Variants in ACACB observed in about 807,000 individuals in gnomAD.
The protein encoded by ACACB is acetyl-CoA carboxylase 2.
A neutral mutation model predicts 278.8 loss-of-function variants in ACACB; 209 were observed. The observed-to-expected ratio is 0.75, with a 90% CI of 0.67 to 0.84. The LOEUF (loss-of-function observed/expected upper bound fraction) is 0.84, where lower values mean the gene tolerates loss of function less well. ACACB is among the 40% of genes least tolerant of loss of function. ACACB has a pLI of 0.00. For synonymous variants in ACACB, 1,174 were observed against 1,285.6 expected (o/e 0.91, Z 1.86); for missense variants, 2,850 against 3,269.0 (o/e 0.87, Z 3.13).
chr12:109,253,960 A>G (rs762208847), intron 43 of ACACB, among the ~76,000 whole-genome samples: 1 of 152,136 alleles, frequency 6.6e-6, no homozygotes, highest in Non-Finnish European at 1.5e-5. Flanking sequence ...GCGTTTCTGT[A>G]ACTTCCCAGC....
At chr12:109,252,770 C>T (rs975947059) in intron 42 of ACACB, among the ~76,000 whole-genome samples, 2 of 152,194 alleles carry the variant, frequency 1.3e-5, no homozygotes, top group African/African-American at 4.8e-5. Flanking sequence ...AGCTGCATCA[C>T]CAGTTCTCAA....
chr12:109,154,891 A>C (rs1377327816), intron 2 of ACACB: 1 of 152,806 alleles, frequency 6.5e-6, no homozygotes, highest in Non-Finnish European at 1.5e-5. Context: ...CGGGGTGGTC[A>C]ACATGAGTCC....
In ACACB at chr12:109,140,485, C is replaced by T. The variant is rs187610139; in HGVS notation, c.653+427C>T. 6.8e-3 allele frequency among the ~76,000 whole-genome samples: 1,028 copies of T among 152,232 alleles called. 10 individuals carry two copies. The highest frequency in any genetic ancestry group is 0.017 in the African/African-American group (703 of 41,548). ...TAGCCTGGCCAACATGGTGAAACTC[C>T]GTTTCTACTAAAAATACAAAAATTC... is the stretch of plus-strand genomic sequence containing the variant. On this transcript the variant is annotated intron_variant, in intron 2 of 52. Coordinates refer to ENST00000338432, the MANE Select transcript of ACACB (RefSeq NM_001093.4).
upstream of ACACB, among the ~76,000 whole-genome samples, chr12:109,115,504 C>T (rs1407319144): frequency 1.3e-5 from 2 of 152,090 alleles, no homozygotes; most frequent in Admixed American, 1.3e-4. Flanking sequence ...AATAAATAGA[C>T]TAAGAGCCAT....
rs2044633665 is a variant in ACACB at position 109,185,697 on chromosome 12, GC to G, written c.1939del (p.His647ThrfsTer26). 1 of 1,590,804 alleles carries G rather than the reference GC, an allele frequency of 6.3e-7. No homozygotes were observed. The highest frequency in any genetic ancestry group is 8.6e-7 in the Non-Finnish European group (1 of 1,167,548). On this transcript the variant is annotated frameshift_variant, in exon 12 of 53. Coordinates refer to ENST00000338432, the MANE Select transcript of ACACB (RefSeq NM_001093.4). LOFTEE classifies it high-confidence loss of function. ...ETPSNPPLARGHVIAARITSE... is the reference protein window; with the variant it reads ...ETPSNPPLARXHVIAARITSE... ...CCCTCAAACCCTCCCCTCGCCCGAG[GC>G]CACGTCATTGCCGCCAGAATCACCA...
At chr12:109,151,833 G>T (rs2043383796) in intron 2 of ACACB, among the ~76,000 whole-genome samples, 1 of 152,226 alleles carries the variant, frequency 6.6e-6, no homozygotes, top group Admixed American at 6.5e-5. Context: ...ATGGATGTTT[G>T]TATAAAGGTG....
intron 2 of ACACB, among the ~76,000 whole-genome samples, chr12:109,155,804 C>T (rs1380809284): frequency 2.0e-5 from 3 of 151,884 alleles, no homozygotes; most frequent in Admixed American, 1.3e-4. Flanking sequence ...TTTTGTGACA[C>T]GTGAAAATTA....
At chr12:109,203,321 T>C (rs932659566) in intron 19 of ACACB, among the ~76,000 whole-genome samples, 2 of 152,238 alleles carry the variant, frequency 1.3e-5, no homozygotes, top group Non-Finnish European at 1.5e-5. Context: ...GCTATGAACA[T>C]GAGTGTACGA....
intron 17 of ACACB, among the ~76,000 whole-genome samples, chr12:109,198,954 G>C (rs2045235032): frequency 6.6e-6 from 1 of 152,000 alleles, no homozygotes; most frequent in Non-Finnish European, 1.5e-5. Context: ...TTGGGAGGCT[G>C]AGGCGGGCGG....
intron 6 of ACACB, 28 bp from the exon 7 acceptor site, chr12:109,174,104 G>C (rs1287087718): frequency 6.3e-7 from 1 of 1,585,712 alleles, no homozygotes; most frequent in Non-Finnish European, 8.6e-7. Flanking sequence ...ACCGGATTCT[G>C]CTTCCCTTCT....
intron 28 of ACACB, among the ~76,000 whole-genome samples, chr12:109,228,873 C>G (rs185664365): frequency 6.6e-6 from 1 of 152,038 alleles, no homozygotes; most frequent in East Asian, 1.9e-4. Context: ...TAAGTGATCC[C>G]GGAGATGATC....
At chr12:109,175,679 A>T (rs1208049701) in intron 7 of ACACB, among the ~76,000 whole-genome samples, 1 of 152,116 alleles carries the variant, frequency 6.6e-6, no homozygotes, top group African/African-American at 2.4e-5. Context: ...TCAGCCTCCC[A>T]AAGTGCTGGG....
At position 109,222,563 on chromosome 12, in the gene ACACB, C is replaced by T. The variant is rs760748409; in HGVS notation, c.3621C>T (p.Asn1207=). 25 of 1,614,072 alleles carry T rather than the reference C, an allele frequency of 1.5e-5. No individual in the cohort carries two copies. Among genetic ancestry groups the T allele is most frequent in the Non-Finnish European group, 2.0e-5 (24 of 1,180,050 alleles). ...CGGACGAGCTGATCTCCATCCTCAA[C>T]GAGCTCACTCAGCTGAGCAAAAGCG... ...SLSDELISIL[N]ELTQLSKSEH... is the part of the protein sequence containing the mutation. Residue 1207 remains asparagine, a synonymous_variant, in exon 25 of 53, where the codon AAC becomes AAT. Transcript: ENST00000338432.
At chr12:109,242,264 C>T (rs1229629372) in intron 36 of ACACB, 173 bp from the exon 37 acceptor site, 3 of 638,254 alleles carry the variant, frequency 4.7e-6, no homozygotes, top group African/African-American at 1.8e-5. Context: ...CTTGTTCTGG[C>T]CCTCCACAGT....
Position 109,157,927 on chromosome 12 carries a change from TC to T in ACACB, c.654-8933del, listed in dbSNP as rs571079154. ...GAGTCCCATTTCACTGCCATGCAAT[TC>T]TGCTCTGAAAGGCCAGCTGCCTGCA... On this transcript the variant is annotated intron_variant, in intron 2 of 52. Transcript: ENST00000338432. Among the ~76,000 whole-genome samples, 4 of 152,258 alleles carry T rather than the reference TC, an allele frequency of 2.6e-5. No individual in the cohort carries two copies. In the South Asian group the frequency reaches 8.3e-4, roughly 32 times the overall value.
intron 26 of ACACB, among the ~76,000 whole-genome samples, chr12:109,223,328 G>T (rs1028286513): frequency 6.6e-6 from 1 of 152,196 alleles, no homozygotes; most frequent in East Asian, 1.9e-4. Flanking sequence ...CCGTCATCCC[G>T]GAGTTCTTCA....
chr12:109,188,080 G>T lies in ACACB; in HGVS notation c.2062G>T (p.Ala688Ser). The change falls in exon 13 of 53, where the codon GCT becomes TCT. Residue 688 changes from alanine (A) to serine (S), a missense_variant. Coordinates refer to ENST00000338432, the MANE Select transcript of ACACB (RefSeq NM_001093.4). ...CGTGTGGGGTTACTTCAGCGTGGCC[G>T]CTACTGGAGGCCTGCACGAGTTTGC... ...KNVWGYFSVA[A>S]TGGLHEFADS... is the part of the protein sequence containing the mutation. The T allele has an allele frequency of 6.2e-7, 1 of 1,613,672 alleles. No homozygotes were observed.
rs781600908 is a variant in ACACB, at chr12:109,227,380, C to T, written c.3892C>T (p.Arg1298Trp). Residue 1298 changes from arginine (R) to tryptophan (W), a missense_variant, in exon 28 of 53, where the codon CGG becomes TGG. Physicochemically the swap from Arg to Trp is moderately radical, Grantham distance 101 (BLOSUM62 -3). Around this residue, in one of 3 missense-constraint regions of ACACB, gnomAD observed 2,265 missense variants for 2,561.3 expected, o/e 0.88. Transcript: ENST00000338432. ...VCMASLEVYV[R>W]RGYIAYELNS... Reference sequence around the variant, plus strand: ...GTTTCTGCCTTGTCAGGTTTACGTGCGGAGGGGCTACATCGCCTATGAGTT... The same window carrying T: ...GTTTCTGCCTTGTCAGGTTTACGTGTGGAGGGGCTACATCGCCTATGAGTT... 10 of 1,611,340 alleles carry T rather than the reference C, an allele frequency of 6.2e-6. No individual in the cohort carries two copies. The highest frequency in any genetic ancestry group is 2.2e-5 in the East Asian group (1 of 44,822).
intron 2 of ACACB, among the ~76,000 whole-genome samples, chr12:109,142,778 T>G (rs1434161836): frequency 6.6e-6 from 1 of 151,876 alleles, no homozygotes; most frequent in East Asian, 1.9e-4. Context: ...TGTTGGCCAG[T>G]CTGGTCTTGA....
Sources: gnomAD v4.1 joint callset for allele counts (sites outside exome capture counted in the v4.1 genomes callset) on GRCh38, gnomAD v4.1.1 for gene constraint, gnomAD v4.1.1 regional missense constraint, MANE v1.5 for transcripts, NCBI Gene and HGNC (gene_info 2026-07-23, HGNC 2026-07-21) for gene names.